SET: variants seen among roughly 807,000 people sequenced by gnomAD.
SET encodes the protein SET nuclear proto-oncogene, also known as protein SET.
Under a neutral mutation model 39.0 loss-of-function variants are expected in SET, and 4 were observed. The ratio of observed to expected loss-of-function variants is 0.10; its 90% CI spans 0.05 to 0.23. The LOEUF is 0.23. Among genes scored for constraint, SET ranks in the 10% least tolerant of loss-of-function variants. SET has a pLI of 1.00. For synonymous variants in SET, 114 were observed against 115.9 expected (o/e 0.98, Z 0.11); for missense variants, 137 against 329.7 (o/e 0.42, Z 4.53).
intron 1 of SET, 76 bp downstream of exon 1, chr9:128,689,731 GGCCCGGGGCGCGC>G: frequency 8.1e-6 from 2 of 247,474 alleles, no homozygotes; most frequent in Non-Finnish European, 1.3e-5. Context: ...CCGCCGGCGG[GGCCCGGGGCGCGC>G]GCGGGGGGCG....
upstream of SET, among the ~76,000 whole-genome samples, chr9:128,688,879 C>A (rs1412609245): frequency 6.6e-6 from 1 of 152,094 alleles, no homozygotes; most frequent in Non-Finnish European, 1.5e-5. Flanking sequence ...GTGGTGGGCG[C>A]CCCGCTCCCG....
upstream of SET, among the ~76,000 whole-genome samples, chr9:128,687,889 G>A (rs1483241381): frequency 6.6e-6 from 1 of 152,132 alleles, no homozygotes; most frequent in Non-Finnish European, 1.5e-5. Flanking sequence ...TGCATGGCCA[G>A]GATTTGAAAT....
Position 128,696,082 on chromosome 9 carries a change from C to G in SET, c.*1418C>G, listed in dbSNP as rs1861729111. 4.5e-6 allele frequency: 1 copy of G among 223,060 alleles called. No individual in the cohort carries two copies. Among genetic ancestry groups the G allele is most frequent in the South Asian group, 1.8e-4 (1 of 5,452 alleles). The allele number at this position is 223,060 out of a possible 1,614,324, so 13.8% of individuals were successfully genotyped here. A position where few individuals can be genotyped will look rare whatever the true frequency, so the allele number is the denominator to read the frequency against. ...ATGTGAATCTGGGTGGGATAATGGA[C>G]TCAGCTCTGTCTGCTCAATGCCATT... On this transcript the variant is annotated 3_prime_UTR_variant, in exon 8 of 8. Transcript: ENST00000322030.
Position 128,689,550 on chromosome 9 carries a change from TCCCCGCTCCCC to T in SET, c.-27_-17del. On this transcript the variant is annotated 5_prime_UTR_variant, in exon 1 of 8. Coordinates refer to ENST00000322030, the MANE Select transcript of SET (RefSeq NM_003011.4). ...CCCTTCGCCTTCCCTTCTCTCCCCC[TCCCCGCTCCCC>T]CCCCGACCGCGGAGCAGCACCATGT... The T allele has an allele frequency of 1.1e-6, 1 of 951,892 alleles. No individual in the cohort carries two copies. The highest frequency in any genetic ancestry group is 1.4e-6 in the Non-Finnish European group (1 of 715,086). The allele number at this position is 951,892 out of a possible 1,614,324, so 59.0% of individuals were successfully genotyped here.
rs35778650 is a variant in SET at position 128,694,734 on chromosome 9, CTTTTTTTTTTT to C, written c.*84_*94del. On this transcript the variant is annotated 3_prime_UTR_variant, in exon 8 of 8. Coordinates refer to ENST00000322030, the MANE Select transcript of SET (RefSeq NM_003011.4). ...CCAGTCCCTGGGAGCAAGTTGCAGTCTTTTTTTTTTTTTTTTTTTTTTTTCCCTCTTGTGCT... is the reference window on the plus strand; with the variant it reads ...CCAGTCCCTGGGAGCAAGTTGCAGTCTTTTTTTTTTTTTCCCTCTTGTGCT... 23 of 304,050 alleles carry C rather than the reference CTTTTTTTTTTT, an allele frequency of 7.6e-5. No individual in the cohort carries two copies. The highest frequency in any genetic ancestry group is 1.9e-4 in the South Asian group (4 of 20,982). The allele number at this position is 304,050 out of a possible 1,614,324, so 18.8% of individuals were successfully genotyped here.
chr9:128,689,836 G>T, intron 1 of SET, 181 bp downstream of exon 1: 1 of 156,476 alleles, frequency 6.4e-6, no homozygotes, highest in South Asian at 1.9e-4. Context: ...CTGGGGGCCT[G>T]GGTGGCCCGC....
At position 128,689,271 on chromosome 9, in the gene SET, A is replaced by C. The variant is rs1296626066; in HGVS notation, c.-312A>C. On this transcript the variant is annotated 5_prime_UTR_variant, in exon 1 of 8. Coordinates refer to ENST00000322030, the MANE Select transcript of SET (RefSeq NM_003011.4). ...GAGGAGGCGGCTCGGGAGAGCGAGC[A>C]GCGAGCTGGCTGGATCGCCGAGCGC... 1 of 1,008,138 alleles carries C rather than the reference A, an allele frequency of 9.9e-7. No individual in the cohort carries two copies. The highest frequency in any genetic ancestry group is 1.2e-6 in the Non-Finnish European group (1 of 844,238). 62.4% of individuals were successfully genotyped at this position (1,008,138 alleles called of 1,614,324 possible).
rs1589454017 is a variant in SET, at chr9:128,689,285, A to T, written c.-298A>T. 9.9e-7 allele frequency: 1 copy of T among 1,014,254 alleles called. No homozygotes were observed. Among genetic ancestry groups the T allele is most frequent in the African/African-American group, 1.7e-5 (1 of 57,774 alleles). The allele number at this position is 1,014,254 out of a possible 1,614,324, so 62.8% of individuals were successfully genotyped here. A position where few individuals can be genotyped will look rare whatever the true frequency, so the allele number is the denominator to read the frequency against. On this transcript the variant is annotated 5_prime_UTR_variant, in exon 1 of 8. Coordinates refer to ENST00000322030, the MANE Select transcript of SET (RefSeq NM_003011.4). ...GGAGAGCGAGCAGCGAGCTGGCTGG[A>T]TCGCCGAGCGCGAGTGAGGGAGCCG...
upstream of SET, among the ~76,000 whole-genome samples, chr9:128,687,378 A>T (rs185242755): frequency 6.6e-6 from 1 of 151,542 alleles, no homozygotes; most frequent in East Asian, 1.9e-4. Flanking sequence ...AGGCAGAGGC[A>T]GGTGGATCAC....
chr9:128,683,842 G>A (rs1374431397), exon 1 of SET: 15 of 1,456,374 alleles, frequency 1.0e-5, no homozygotes, highest in Middle Eastern at 2.4e-4. Flanking sequence ...TGTTCAGCCT[G>A]CTTCCGGACG....
intron 1 of SET, among the ~76,000 whole-genome samples, chr9:128,690,899 C>G (rs1047800327): frequency 6.6e-6 from 1 of 152,136 alleles, no homozygotes; most frequent in Non-Finnish European, 1.5e-5. Flanking sequence ...TAGTAGAAAC[C>G]TTAATGATCG....
chr9:128,691,049 C>T, intron 1 of SET, 121 bp from the exon 2 acceptor site: 1 of 789,394 alleles, frequency 1.3e-6, no homozygotes, highest in Non-Finnish European at 2.3e-6. Context: ...ATGTGGAACG[C>T]TTGCCTTTGT....
In SET at chr9:128,689,493, C is replaced by A; in HGVS notation, c.-90C>A. ...CGGCCGGACCGAGCGGGCGCCCGCG[C>A]GTGTGGCGTGAGGGGAAGCCGCTTG... On this transcript the variant is annotated 5_prime_UTR_variant, in exon 1 of 8. Transcript: ENST00000322030. 2 of 660,016 alleles carry A rather than the reference C, an allele frequency of 3.0e-6. No homozygotes were observed. The highest frequency in any genetic ancestry group is 1.9e-5 in the African/African-American group (1 of 51,414). The allele number at this position is 660,016 out of a possible 1,614,324, so 40.9% of individuals were successfully genotyped here.
Position 128,689,343 on chromosome 9 carries a change from C to T in SET, c.-240C>T. Reference sequence around the variant, plus strand: ...CGCCGCCGCCGCCTCCGCCTCCCCTCCGCGAACAGGAGCCCGGGCCGGGGC... The same window carrying T: ...CGCCGCCGCCGCCTCCGCCTCCCCTTCGCGAACAGGAGCCCGGGCCGGGGC... On this transcript the variant is annotated 5_prime_UTR_variant, in exon 1 of 8. Transcript: ENST00000322030. 1.9e-6 allele frequency: 2 copies of T among 1,048,856 alleles called. No individual in the cohort carries two copies. Among genetic ancestry groups the T allele is most frequent in the Non-Finnish European group, 2.3e-6 (2 of 868,896 alleles). The allele number at this position is 1,048,856 out of a possible 1,614,324, so 65.0% of individuals were successfully genotyped here. A position where few individuals can be genotyped will look rare whatever the true frequency, so the allele number is the denominator to read the frequency against.
At chr9:128,693,844 TGTCTC>T (rs756485728) in intron 6 of SET, 36 bp downstream of exon 6, 5 of 1,605,974 alleles carry the variant, frequency 3.1e-6, no homozygotes, top group Admixed American at 3.4e-5. Flanking sequence ...AGGTTGGACT[TGTCTC>T]GGTTGTTTAA....
chr9:128,689,507 G>T lies in SET; in HGVS notation c.-76G>T. 1.4e-6 allele frequency: 1 copy of T among 727,744 alleles called. No individual in the cohort carries two copies. Among genetic ancestry groups the T allele is most frequent in the Non-Finnish European group, 1.9e-6 (1 of 522,874 alleles). The allele number at this position is 727,744 out of a possible 1,614,324, so 45.1% of individuals were successfully genotyped here. A position where few individuals can be genotyped will look rare whatever the true frequency, so the allele number is the denominator to read the frequency against. ...GGGCGCCCGCGCGTGTGGCGTGAGG[G>T]GAAGCCGCTTGCCCGCCCCCTTCGC... On this transcript the variant is annotated 5_prime_UTR_variant, in exon 1 of 8. Transcript: ENST00000322030.
rs1484102025 is a variant in SET at position 128,695,420 on chromosome 9, T to G, written c.*756T>G. The G allele has an allele frequency of 4.5e-6, 1 of 222,606 alleles. No homozygotes were observed. Among genetic ancestry groups the G allele is most frequent in the Non-Finnish European group, 9.2e-6 (1 of 108,644 alleles). The allele number at this position is 222,606 out of a possible 1,614,324, so 13.8% of individuals were successfully genotyped here. A position where few individuals can be genotyped will look rare whatever the true frequency, so the allele number is the denominator to read the frequency against. On this transcript the variant is annotated 3_prime_UTR_variant, in exon 8 of 8. Transcript: ENST00000322030. The stretch of plus-strand genomic sequence containing the variant: ...ACATTCTCTATTGTAATTTTGTTCC[T>G]GTTTATTTTTAAATTTTCTTTTTGT...
At chr9:128,688,363 CTT>C (rs1429582772), upstream of SET, among the ~76,000 whole-genome samples, 1 of 152,208 alleles carries the variant, frequency 6.6e-6, no homozygotes, top group Non-Finnish European at 1.5e-5. Context: ...TGGTTCAGAA[CTT>C]TGCCTCTCAA....
chr9:128,688,455 T>G (rs1334715071), upstream of SET, among the ~76,000 whole-genome samples: 3 of 152,166 alleles, frequency 2.0e-5, no homozygotes, highest in Non-Finnish European at 4.4e-5. Flanking sequence ...CTCGGTGAGA[T>G]AACCGTGCCA....
Sources: allele counts gnomAD v4.1 joint callset (sites outside exome capture counted in the v4.1 genomes callset), GRCh38; gene constraint gnomAD v4.1.1; transcripts MANE v1.5; gene names NCBI Gene and HGNC (gene_info 2026-07-23, HGNC 2026-07-21).